The following GRIK1 variants were observed in gnomAD, a reference collection of about 807,000 sequenced individuals.
GRIK1 encodes the protein glutamate ionotropic receptor kainate type subunit 1, also known as glutamate receptor ionotropic, kainate 1.
Under a neutral mutation model 105.7 loss-of-function variants are expected in GRIK1, and 69 were observed. That is an observed-to-expected ratio of 0.65 (90% confidence interval 0.54 to 0.80). The LOEUF (loss-of-function observed/expected upper bound fraction) is 0.80. GRIK1 is among the 30% of genes least tolerant of loss of function. The pLI, the probability that GRIK1 is intolerant of heterozygous loss-of-function variation, is 0.00. For missense variants in GRIK1, 1,109 were observed against 1,167.3 expected (o/e 0.95, Z 0.73); for synonymous variants, 438 against 431.3 (o/e 1.02, Z -0.19).
At chr21:29,798,943 G>A (rs1480458789) in intron 1 of GRIK1, among the ~76,000 whole-genome samples, 2 of 152,160 alleles carry the variant, frequency 1.3e-5, no homozygotes, top group African/African-American at 4.8e-5. Context: ...GAGGCTGAGA[G>A]AGATCGATGC....
chr21:29,617,708 G>C (rs1342767465), intron 7 of GRIK1, among the ~76,000 whole-genome samples: 1 of 152,168 alleles, frequency 6.6e-6, no homozygotes, highest in African/African-American at 2.4e-5. Flanking sequence ...ATTTTGCTTA[G>C]TATTTTAAAA....
chr21:29,866,764 G>C (rs1003520028), intron 1 of GRIK1, among the ~76,000 whole-genome samples: 1 of 152,190 alleles, frequency 6.6e-6, no homozygotes, highest in Non-Finnish European at 1.5e-5. Context: ...ATGTTTTGAA[G>C]TGTTATTCTT....
At chr21:29,712,383 C>T (rs2064078366) in intron 1 of GRIK1, among the ~76,000 whole-genome samples, 1 of 151,554 alleles carries the variant, frequency 6.6e-6, no homozygotes, top group African/African-American at 2.4e-5. Context: ...TCTTTATTTC[C>T]TTAGTTCTTT....
At chr21:29,727,901 C>G (rs1204541197) in intron 1 of GRIK1, among the ~76,000 whole-genome samples, 1 of 152,156 alleles carries the variant, frequency 6.6e-6, no homozygotes, top group East Asian at 1.9e-4. Flanking sequence ...CCCGGAAAAG[C>G]CAGTCTGAGT....
At chr21:29,637,941 G>A (rs1280284994) in intron 7 of GRIK1, among the ~76,000 whole-genome samples, 3 of 151,922 alleles carry the variant, frequency 2.0e-5, no homozygotes, top group African/African-American at 4.8e-5. Flanking sequence ...TGGAACTTTC[G>A]GTTTTCCACC....
chr21:29,921,132 C>T (rs1306275707), intron 1 of GRIK1, among the ~76,000 whole-genome samples: 1 of 151,982 alleles, frequency 6.6e-6, no homozygotes, highest in East Asian at 1.9e-4. Context: ...CCACTAAATG[C>T]CAGTAGCAGC....
At chr21:29,790,463 CTT>C (rs111328335) in intron 1 of GRIK1, among the ~76,000 whole-genome samples, 2 of 145,630 alleles carry the variant, frequency 1.4e-5, no homozygotes. Flanking sequence ...TTCTTTCTTT[CTT>C]TTTTTTTTTT....
chr21:29,664,306 T>G (rs898101747), intron 4 of GRIK1, among the ~76,000 whole-genome samples: 2 of 152,172 alleles, frequency 1.3e-5, no homozygotes, highest in Admixed American at 1.3e-4. Context: ...GTTCTAAGAA[T>G]TGTATCACAC....
chr21:29,754,859 A>C (rs1357128992), intron 1 of GRIK1, among the ~76,000 whole-genome samples: 2 of 152,046 alleles, frequency 1.3e-5, no homozygotes, highest in Admixed American at 1.3e-4. Context: ...GGGAGTCTCC[A>C]TTCTCTCTTT....
intron 14 of GRIK1, among the ~76,000 whole-genome samples, chr21:29,572,888 A>G (rs2090786924): frequency 6.6e-6 from 1 of 151,956 alleles, no homozygotes; most frequent in Admixed American, 6.5e-5. Flanking sequence ...CCCCTGCCTC[A>G]GCCTCCCGAG....
At chr21:29,672,308 T>G (rs1171449993) in intron 4 of GRIK1, among the ~76,000 whole-genome samples, 1 of 152,174 alleles carries the variant, frequency 6.6e-6, no homozygotes, top group Non-Finnish European at 1.5e-5. Flanking sequence ...CCTGCCTGCC[T>G]TGGCTTCCCA....
At chr21:29,827,331 T>C (rs193116950) in intron 1 of GRIK1, among the ~76,000 whole-genome samples, 1 of 152,208 alleles carries the variant, frequency 6.6e-6, no homozygotes, top group East Asian at 1.9e-4. Context: ...GAAGAACAGA[T>C]TAATGGAAAA....
chr21:29,781,026 T>C (rs182290903), intron 1 of GRIK1, among the ~76,000 whole-genome samples: 119 of 152,196 alleles, frequency 7.8e-4, no homozygotes, highest in Non-Finnish European at 1.3e-3. Context: ...AAAAGAAGTA[T>C]TAAGAAAAGT....
Position 29,596,525 on chromosome 21 carries a change from CCTT to C in GRIK1, c.1249_1251del (p.Lys417del). 3 of 1,602,968 alleles carry C rather than the reference CCTT, an allele frequency of 1.9e-6. No individual in the cohort carries two copies. Among genetic ancestry groups the C allele is most frequent in the Non-Finnish European group, 2.6e-6 (3 of 1,169,832 alleles). ...CCTGCAGTTGTTGTCAGAGTACAAA[CCTT>C]CTTCCACACTTTATACAAGTGTTTA... is the stretch of plus-strand genomic sequence containing the variant. On this transcript the variant is annotated inframe_deletion and splice_region_variant, in exon 9 of 18. Coordinates refer to ENST00000327783, the MANE Select transcript of GRIK1 (RefSeq NM_001330994.2).
intron 1 of GRIK1, among the ~76,000 whole-genome samples, chr21:29,803,648 G>T (rs1374338348): frequency 6.6e-6 from 1 of 152,126 alleles, no homozygotes; most frequent in African/African-American, 2.4e-5. Flanking sequence ...GGATGGGCTA[G>T]CTAACTTCCT....
intron 1 of GRIK1, among the ~76,000 whole-genome samples, chr21:29,840,428 T>G (rs2067944466): frequency 6.6e-6 from 1 of 152,112 alleles, no homozygotes; most frequent in African/African-American, 2.4e-5. Context: ...AGCTTTGTCT[T>G]TCATATTTTT....
intron 1 of GRIK1, chr21:29,759,917 C>T (rs997826382): frequency 6.6e-6 from 1 of 152,174 alleles, no homozygotes; most frequent in Non-Finnish European, 1.5e-5. Context: ...AGCCCCAAAC[C>T]ATAATTTTGA....
chr21:29,673,752 A>G (rs752316422), intron 3 of GRIK1, among the ~76,000 whole-genome samples: 46 of 152,214 alleles, frequency 3.0e-4, no homozygotes, highest in Non-Finnish European at 5.0e-4. Flanking sequence ...GGAAAATCCT[A>G]CTTGATTTTT....
chr21:29,876,832 G>A (rs2069209131), intron 1 of GRIK1, among the ~76,000 whole-genome samples: 1 of 151,974 alleles, frequency 6.6e-6, no homozygotes, highest in Non-Finnish European at 1.5e-5. Context: ...TTGGCTTTTG[G>A]GAAATAATTA....
Sources: allele counts gnomAD v4.1 joint callset (sites outside exome capture counted in the v4.1 genomes callset), GRCh38; gene constraint gnomAD v4.1.1; transcripts MANE v1.5; gene names NCBI Gene and HGNC (gene_info 2026-07-23, HGNC 2026-07-21).